ASTN1: variants seen among roughly 807,000 people sequenced by gnomAD.
ASTN1 encodes the protein astrotactin 1.
ASTN1 carries 41 observed loss-of-function variants against 140.7 expected under a neutral mutation model. The observed-to-expected ratio is 0.29, with a 90% CI of 0.23 to 0.38. ASTN1 has a LOEUF of 0.38. ASTN1 is among the 10% of genes least tolerant of loss of function. ASTN1 has a pLI of 1.00. For missense variants in ASTN1, 1,479 were observed against 1,678.8 expected (o/e 0.88, Z 2.08); for synonymous variants, 640 against 652.2 (o/e 0.98, Z 0.29).
chr1:177,023,592 A>C, intron 6 of ASTN1, 21 bp from the exon 7 acceptor site: 2 of 1,557,882 alleles, frequency 1.3e-6, no homozygotes, highest in Non-Finnish European at 1.7e-6. Flanking sequence ...AGAGAAAGGA[A>C]GCATGCCTAT....
At chr1:177,021,854 G>A (rs908487670) in intron 7 of ASTN1, among the ~76,000 whole-genome samples, 4 of 152,192 alleles carry the variant, frequency 2.6e-5, no homozygotes, top group Non-Finnish European at 5.9e-5. Context: ...GACTAGCTCA[G>A]TTGCATGGAG....
intron 8 of ASTN1, among the ~76,000 whole-genome samples, chr1:177,008,509 G>GAGAGGGAGACAGGAAGAGA: frequency 6.6e-6 from 1 of 150,392 alleles, no homozygotes; most frequent in African/African-American, 2.4e-5. Context: ...CAGGAAGAGA[G>GAGAGGGAGACAGGAAGAGA]AGCGGGAGAT....
In ASTN1 at chr1:177,024,629, G is replaced by C. The variant is rs929049750; in HGVS notation, c.1224C>G (p.Leu408=). The change falls in exon 6 of 23, where the codon CTC becomes CTG. Residue 408 remains leucine (L), a synonymous_variant. Coordinates refer to ENST00000361833, the MANE Select transcript of ASTN1 (RefSeq NM_004319.3). ...GGACATGCAGGGTGATCTTGACAAC[G>C]AGAGGGCAGTTGACGTGAGAGGAGC... ...LVCSSHVNCP[L]VVKITLHVPE... is the part of the protein sequence containing the mutation. The C allele has an allele frequency of 7.4e-6, 12 of 1,614,030 alleles. No individual in the cohort carries two copies. The highest frequency in any genetic ancestry group is 9.3e-6 in the Non-Finnish European group (11 of 1,179,996).
intron 1 of ASTN1, among the ~76,000 whole-genome samples, chr1:177,077,281 C>A (rs1678963642): frequency 6.6e-6 from 1 of 152,130 alleles, no homozygotes; most frequent in South Asian, 2.1e-4. Context: ...CCCACTGCTG[C>A]TCCAATTGCA....
chr1:177,021,241 T>C (rs1008434250), intron 7 of ASTN1, among the ~76,000 whole-genome samples: 2 of 152,238 alleles, frequency 1.3e-5, no homozygotes, highest in Admixed American at 6.5e-5. Flanking sequence ...AGATTATTTT[T>C]AGTCTTCCTC....
intron 8 of ASTN1, among the ~76,000 whole-genome samples, chr1:176,991,361 C>T (rs1271220038): frequency 2.1e-5 from 3 of 141,852 alleles, no homozygotes; most frequent in Admixed American, 7.8e-5. Context: ...TGCAGTGAGC[C>T]GAGATCATGC....
chr1:176,863,597 A>G lies in ASTN1; in HGVS notation c.*687T>C, dbSNP rs1668036059. 1.0e-6 allele frequency: 1 copy of G among 985,414 alleles called. No homozygotes were observed. Among genetic ancestry groups the G allele is most frequent in the Non-Finnish European group, 1.2e-6 (1 of 830,034 alleles). The allele number at this position is 985,414 out of a possible 1,614,324, so 61.0% of individuals were successfully genotyped here. On this transcript the variant is annotated 3_prime_UTR_variant, in exon 23 of 23. Transcript: ENST00000361833. The stretch of plus-strand genomic sequence containing the variant: ...GTTCAGAGGAAGGGACAGAGATCTG[A>G]CAGAGGGAGATTTAATCCCAGTCCT...
At position 176,864,422 on chromosome 1, in the gene ASTN1, C is replaced by A. The variant is rs751808294; in HGVS notation, c.3747G>T (p.Lys1249Asn). The A allele has an allele frequency of 4.3e-6, 7 of 1,614,152 alleles. No homozygotes were observed. Among genetic ancestry groups the A allele is most frequent in the Non-Finnish European group, 5.9e-6 (7 of 1,180,024 alleles). Residue 1249 changes from lysine (K) to asparagine (N), a missense_variant, in exon 23 of 23, where the codon AAG becomes AAT. Transcript: ENST00000361833. Reference protein sequence around the residue: ...PKISLRRSSLKYLGCRYSEIK... With the variant: ...PKISLRRSSLNYLGCRYSEIK... The stretch of plus-strand genomic sequence containing the variant: ...TCTCGCTGTAGCGGCACCCCAGGTA[C>A]TTGAGTGAGCTGCGCCGCAAGCTTA...
At chr1:177,110,306 T>A (rs1269802556) in intron 1 of ASTN1, among the ~76,000 whole-genome samples, 1 of 152,252 alleles carries the variant, frequency 6.6e-6, no homozygotes, top group East Asian at 1.9e-4. Flanking sequence ...TAAGTTAGAA[T>A]GAGTTCCTAA....
At chr1:176,942,512 G>T (rs1188262577) in intron 14 of ASTN1, among the ~76,000 whole-genome samples, 1 of 151,988 alleles carries the variant, frequency 6.6e-6, no homozygotes, top group Non-Finnish European at 1.5e-5. Flanking sequence ...GAGGGAAAAA[G>T]GAGAGGAAGG....
At chr1:176,883,074 G>A in intron 19 of ASTN1, 80 bp from the exon 20 acceptor site, 1 of 1,553,440 alleles carries the variant, frequency 6.4e-7, no homozygotes, top group East Asian at 2.3e-5. Context: ...AACTCAATGA[G>A]AACTTAACAT....
Position 176,869,036 on chromosome 1 carries a change from G to A in ASTN1, c.3464-9C>T. 2 of 1,558,464 alleles carry A rather than the reference G, an allele frequency of 1.3e-6. No homozygotes were observed. Among genetic ancestry groups the A allele is most frequent in the Non-Finnish European group, 1.7e-6 (2 of 1,150,546 alleles). Reference sequence around the variant, plus strand: ...GATCTTGTCTGCTATTTCTGAGGAAGGAGGAAAAGGAAAATAAGTTATTTA... The same window carrying A: ...GATCTTGTCTGCTATTTCTGAGGAAAGAGGAAAAGGAAAATAAGTTATTTA... On this transcript the variant is annotated splice_polypyrimidine_tract_variant and intron_variant, in intron 21 of 22. Transcript: ENST00000361833.
intron 1 of ASTN1, among the ~76,000 whole-genome samples, chr1:177,083,955 GA>G (rs1229247835): frequency 6.6e-6 from 1 of 152,160 alleles, no homozygotes; most frequent in Non-Finnish European, 1.5e-5. Context: ...AACTTACTAA[GA>G]TATTTTTCTT....
intron 15 of ASTN1, 90 bp downstream of exon 15, chr1:176,936,176 T>C: frequency 8.7e-7 from 1 of 1,150,348 alleles, no homozygotes; most frequent in Non-Finnish European, 1.3e-6. Context: ...TTAGGCTGCA[T>C]CTTCGACAGT....
At chr1:176,887,699 T>C (rs556609131) in intron 18 of ASTN1, among the ~76,000 whole-genome samples, 3 of 152,208 alleles carry the variant, frequency 2.0e-5, no homozygotes, top group Admixed American at 2.0e-4. Context: ...GCTCTCAGTG[T>C]AGATCTCTAA....
In ASTN1 at chr1:176,888,229, T is replaced by C. The variant is rs553644785; in HGVS notation, c.2941-25A>G. 28 of 1,612,752 alleles carry C rather than the reference T, an allele frequency of 1.7e-5. No homozygotes were observed. The Admixed American group carries it at 3.5e-4, about 20-fold the overall frequency. On this transcript the variant is annotated intron_variant, in intron 17 of 22. Transcript: ENST00000361833. The stretch of plus-strand genomic sequence containing the variant: ...GCTGCATAAGAGAACAGGGAAAAGA[T>C]TGAGTGTTGAGAAGCCAGGGCTAGG...
intron 16 of ASTN1, among the ~76,000 whole-genome samples, chr1:176,907,469 C>T (rs928357456): frequency 7.2e-5 from 11 of 152,320 alleles, no homozygotes; most frequent in East Asian, 1.9e-4. Context: ...TACTGACGTT[C>T]GTCTGAACTG....
chr1:176,888,547 C>T (rs1472530924), intron 17 of ASTN1, among the ~76,000 whole-genome samples: 2 of 152,184 alleles, frequency 1.3e-5, no homozygotes, highest in African/African-American at 4.8e-5. Context: ...TACGCCTCTA[C>T]CACACATCTT....
intron 1 of ASTN1, among the ~76,000 whole-genome samples, chr1:177,148,644 G>A (rs1393619724): frequency 6.6e-6 from 1 of 150,564 alleles, no homozygotes; most frequent in Non-Finnish European, 1.5e-5. Flanking sequence ...TTTTTTTAAT[G>A]CACTAGCTTT....
Sources: allele counts gnomAD v4.1 joint callset (sites outside exome capture counted in the v4.1 genomes callset), GRCh38; gene constraint gnomAD v4.1.1; transcripts MANE v1.5; gene names NCBI Gene and HGNC (gene_info 2026-07-23, HGNC 2026-07-21).